The following ARHGEF12 variants were observed in gnomAD, a reference collection of about 807,000 sequenced individuals.
ARHGEF12 encodes Rho guanine nucleotide exchange factor 12.
ARHGEF12 carries 66 observed loss-of-function variants against 211.2 expected under a neutral mutation model. That is an observed-to-expected ratio of 0.31 (90% confidence interval 0.26 to 0.38). ARHGEF12 has a LOEUF of 0.38. Ranked by LOEUF, ARHGEF12 falls within the 10% of genes least tolerant of loss-of-function variation. ARHGEF12 has a pLI of 1.00. For synonymous variants in ARHGEF12, 592 were observed against 638.4 expected, an observed-to-expected ratio of 0.93 and a Z score of 1.09; for missense variants, 1,429 against 1,869.5, an observed-to-expected ratio of 0.76 and a Z score of 4.34.
Position 120,448,299 on chromosome 11 carries a change from G to A in ARHGEF12, c.1688G>A (p.Arg563Gln), listed in dbSNP as rs1228103500. The A allele has an allele frequency of 6.2e-7, 1 of 1,614,046 alleles. No homozygotes were observed. The highest frequency in any genetic ancestry group is 8.5e-7 in the Non-Finnish European group (1 of 1,179,994). ...TTGGGAGTAAAAGTGAAAGAGCCTC[G>A]AAATTTGGAGCACAAACGGGGTCGG... ...KHLGVKVKEP[R>Q]NLEHKRGRIG... The change falls in exon 20 of 41, where the codon CGA becomes CAA. Residue 563 changes from arginine (R) to glutamine (Q), a missense_variant. Physicochemically the swap from Arg to Gln is conservative, Grantham distance 43. Coordinates refer to ENST00000397843, the MANE Select transcript of ARHGEF12 (RefSeq NM_015313.3).
At chr11:120,341,358 G>T (rs922855625) in intron 1 of ARHGEF12, among the ~76,000 whole-genome samples, 3 of 58,572 alleles carry the variant, frequency 5.1e-5, no homozygotes, top group Non-Finnish European at 6.6e-5. Context: ...GAGCCCAGTG[G>T]TTTTTTTTGT....
At chr11:120,443,559 C>A (rs562614712) in intron 15 of ARHGEF12, among the ~76,000 whole-genome samples, 3 of 152,190 alleles carry the variant, frequency 2.0e-5, no homozygotes, top group Non-Finnish European at 2.9e-5. Context: ...TCTTTGTATG[C>A]CTTTACAAAA....
chr11:120,475,645 T>G, intron 33 of ARHGEF12, 138 bp downstream of exon 33: 1 of 912,070 alleles, frequency 1.1e-6, no homozygotes, highest in Non-Finnish European at 1.6e-6. Context: ...TGAAATTTAC[T>G]GCTTAGAAAG....
intron 11 of ARHGEF12, among the ~76,000 whole-genome samples, chr11:120,435,717 C>T (rs1338352188): frequency 2.0e-5 from 3 of 151,752 alleles, no homozygotes; most frequent in South Asian, 2.1e-4. Flanking sequence ...AGGGTTTCAC[C>T]GTGTTAGCCA....
At chr11:120,398,542 G>C (rs1210049430) in intron 1 of ARHGEF12, among the ~76,000 whole-genome samples, 3 of 152,080 alleles carry the variant, frequency 2.0e-5, no homozygotes, top group Non-Finnish European at 4.4e-5. Flanking sequence ...TGAAAGTCTG[G>C]GGTATTCAGA....
intron 7 of ARHGEF12, among the ~76,000 whole-genome samples, chr11:120,427,415 G>A (rs915893242): frequency 2.6e-5 from 4 of 152,014 alleles, no homozygotes; most frequent in Admixed American, 1.3e-4. Context: ...AAAATATGAA[G>A]ATCTAGGCCA....
chr11:120,449,263 C>A, intron 21 of ARHGEF12, 49 bp downstream of exon 21: 1 of 1,428,350 alleles, frequency 7.0e-7, no homozygotes, highest in Non-Finnish European at 9.8e-7. Context: ...AGGCCCTCTT[C>A]ACATCAGAGG....
chr11:120,369,909 C>T (rs943127614), intron 1 of ARHGEF12, among the ~76,000 whole-genome samples: 1 of 152,102 alleles, frequency 6.6e-6, no homozygotes, highest in Non-Finnish European at 1.5e-5. Flanking sequence ...TGGGTATTTT[C>T]CCCCGATCCT....
At chr11:120,387,016 A>G (rs889734817) in intron 1 of ARHGEF12, among the ~76,000 whole-genome samples, 12 of 152,026 alleles carry the variant, frequency 7.9e-5, no homozygotes, top group African/African-American at 2.9e-4. Flanking sequence ...GGAGATAGGG[A>G]TCCTAATCTT....
chr11:120,397,012 A>G (rs897576691), intron 1 of ARHGEF12, among the ~76,000 whole-genome samples: 6 of 152,212 alleles, frequency 3.9e-5, no homozygotes, highest in African/African-American at 9.6e-5. Flanking sequence ...TAGTCTTCCA[A>G]TGTGTTGGTG....
intron 7 of ARHGEF12, among the ~76,000 whole-genome samples, chr11:120,424,922 T>C (rs1304628169): frequency 6.6e-6 from 1 of 152,232 alleles, no homozygotes; most frequent in East Asian, 1.9e-4. Context: ...TAAATGATTA[T>C]ATAATCCAGA....
chr11:120,384,117 C>T (rs928494157), intron 1 of ARHGEF12, among the ~76,000 whole-genome samples: 5 of 152,080 alleles, frequency 3.3e-5, no homozygotes, highest in African/African-American at 1.2e-4. Context: ...CAGTCAGTAG[C>T]CTAGTCTGAT....
chr11:120,374,984 G>C lies in ARHGEF12; in HGVS notation c.33-31134G>C, dbSNP rs539514526. Among the ~76,000 whole-genome samples the C allele has an allele frequency of 1.2e-4, 18 of 152,240 alleles. No individual in the cohort carries two copies. In the East Asian group the frequency reaches 1.7e-3, roughly 15 times the overall value. On this transcript the variant is annotated intron_variant, in intron 1 of 40. Transcript: ENST00000397843. ...TTTTACCCACAAAATCTTCAGATTT[G>C]TCAACAAAATGAACGAGATTGGTAT...
Position 120,421,790 on chromosome 11 carries a change from A to C in ARHGEF12, c.299-13A>C. On this transcript the variant is annotated splice_polypyrimidine_tract_variant and intron_variant, in intron 5 of 40. Coordinates refer to ENST00000397843, the MANE Select transcript of ARHGEF12 (RefSeq NM_015313.3). ...AAATGAATCACATTTTAAGCAATTA[A>C]TTTCTCATACAGATGGAGCAGCCAT... is the stretch of plus-strand genomic sequence containing the variant. 1 of 1,609,904 alleles carries C rather than the reference A, an allele frequency of 6.2e-7. No individual in the cohort carries two copies. The highest frequency in any genetic ancestry group is 8.5e-7 in the Non-Finnish European group (1 of 1,177,826).
Position 120,486,614 on chromosome 11 carries a change from TAAAC to T in ARHGEF12, c.*1540_*1543del, listed in dbSNP as rs796918503. 1.4e-4 allele frequency: 32 copies of T among 225,602 alleles called. No individual in the cohort carries two copies. Among genetic ancestry groups the T allele is most frequent in the African/African-American group, 6.4e-4 (29 of 45,080 alleles). The allele number at this position is 225,602 out of a possible 1,614,324, so 14.0% of individuals were successfully genotyped here. A position where few individuals can be genotyped will look rare whatever the true frequency, so the allele number is the denominator to read the frequency against. ...AAATGAAGTCTGTAAATTCTGTTAA[TAAAC>T]AAGGAGTTCATCCGTTGCTCACATC... On this transcript the variant is annotated 3_prime_UTR_variant, in exon 41 of 41. Coordinates refer to ENST00000397843, the MANE Select transcript of ARHGEF12 (RefSeq NM_015313.3).
chr11:120,457,131 T>G lies in ARHGEF12; in HGVS notation c.2070T>G (p.Val690=). Residue 690 remains valine, a synonymous_variant, in exon 23 of 41, where the codon GTT becomes GTG. Transcript: ENST00000397843. ...TTTTGTCTACAGGATCAAAGCAAGTTGGAGAAACATCAGCACCTGGAGACA... is the reference window on the plus strand; with the variant it reads ...TTTTGTCTACAGGATCAAAGCAAGTGGGAGAAACATCAGCACCTGGAGACA... ...GKENDTGSKQ[V]GETSAPGDTL... 6.2e-7 allele frequency: 1 copy of G among 1,613,898 alleles called. No homozygotes were observed. Among genetic ancestry groups the G allele is most frequent in the Non-Finnish European group, 8.5e-7 (1 of 1,179,900 alleles).
Position 120,485,299 on chromosome 11 carries a change from C to A in ARHGEF12, c.*222C>A. On this transcript the variant is annotated 3_prime_UTR_variant, in exon 41 of 41. Transcript: ENST00000397843. The stretch of plus-strand genomic sequence containing the variant: ...GTGAGGGAATATCCATTCCCTCACT[C>A]TACTCTCCTCACTATCGGAAATTCA... The A allele has an allele frequency of 2.1e-6, 1 of 477,200 alleles. No individual in the cohort carries two copies. 29.6% of individuals were successfully genotyped at this position (477,200 alleles called of 1,614,324 possible).
At chr11:120,442,544 A>G (rs1426504684) in intron 15 of ARHGEF12, among the ~76,000 whole-genome samples, 1 of 152,054 alleles carries the variant, frequency 6.6e-6, no homozygotes, top group Non-Finnish European at 1.5e-5. Flanking sequence ...ATACATATAT[A>G]TTAAGACCCA....
intron 27 of ARHGEF12, among the ~76,000 whole-genome samples, chr11:120,461,539 T>G (rs922310059): frequency 3.9e-5 from 6 of 152,194 alleles, no homozygotes; most frequent in African/African-American, 1.4e-4. Flanking sequence ...TGGTAAACAA[T>G]CATTGGCTTC....
Sources: allele counts gnomAD v4.1 joint callset (sites outside exome capture counted in the v4.1 genomes callset), GRCh38; gene constraint gnomAD v4.1.1; transcripts MANE v1.5; gene names NCBI Gene and HGNC (gene_info 2026-07-23, HGNC 2026-07-21).